TTYH2: variants seen among roughly 807,000 people sequenced by gnomAD.
TTYH2 encodes tweety family member 2.
Under a neutral mutation model 68.3 loss-of-function variants are expected in TTYH2, and 49 were observed. The ratio of observed to expected loss-of-function variants is 0.72; its 90% CI spans 0.57 to 0.91. TTYH2 has a LOEUF of 0.91. Among genes scored for constraint, TTYH2 ranks in the 40% least tolerant of loss-of-function variants. The pLI, the probability that TTYH2 is intolerant of heterozygous loss-of-function variation, is 0.00. For missense variants in TTYH2, 631 were observed against 700.4 expected (o/e 0.90, Z 1.12); for synonymous variants, 272 against 300.8 (o/e 0.90, Z 0.99).
In TTYH2 at chr17:74,240,590, G is replaced by A. The variant is rs548293897; in HGVS notation, c.636-2784G>A. ...TGCAAAAAAAGCCCTCCCCTGAAGG[G>A]CCCCTGTCTTTGCTTTTGGGATAGT... is the stretch of plus-strand genomic sequence containing the variant. On this transcript the variant is annotated intron_variant, in intron 4 of 13. Transcript: ENST00000269346. 4.9e-4 allele frequency among the ~76,000 whole-genome samples: 74 copies of A among 152,290 alleles called. No homozygotes were observed. The Middle Eastern group carries it at 0.017, about 35-fold the overall frequency.
chr17:74,247,564 T>G (rs1598228831), intron 6 of TTYH2, among the ~76,000 whole-genome samples: 1 of 152,254 alleles, frequency 6.6e-6, no homozygotes, highest in East Asian at 1.9e-4. Flanking sequence ...CTGTGGAGCC[T>G]TGGACTGGAG....
intron 6 of TTYH2, among the ~76,000 whole-genome samples, chr17:74,246,515 G>C (rs1185836287): frequency 6.6e-6 from 1 of 152,024 alleles, no homozygotes; most frequent in Non-Finnish European, 1.5e-5. Context: ...AGGGTCACGG[G>C]GGTCCCTTCA....
In TTYH2 at chr17:74,215,832, A is replaced by G; in HGVS notation, c.129+2116A>G. 1 of 1,007,480 alleles carries G rather than the reference A, an allele frequency of 9.9e-7. No individual in the cohort carries two copies. The highest frequency in any genetic ancestry group is 1.5e-6 in the Non-Finnish European group (1 of 675,352). The allele number at this position is 1,007,480 out of a possible 1,614,324, so 62.4% of individuals were successfully genotyped here. On this transcript the variant is annotated intron_variant, in intron 1 of 13. Coordinates refer to ENST00000269346, the MANE Select transcript of TTYH2 (RefSeq NM_032646.6). This position sits in a 1 kb window ranked among gnomAD's most constrained non-coding sequence, Gnocchi z 4.3. ...CCCAGTCTTCAGCAAGCTTGACTGGAGCAAGTGCTATGCCAGGCGTGGGGT... is the reference window on the plus strand; with the variant it reads ...CCCAGTCTTCAGCAAGCTTGACTGGGGCAAGTGCTATGCCAGGCGTGGGGT...
intron 1 of TTYH2, among the ~76,000 whole-genome samples, chr17:74,220,568 G>C (rs1344697779): frequency 1.3e-5 from 2 of 152,202 alleles, no homozygotes; most frequent in African/African-American, 2.4e-5. Context: ...CTGGGCTGCA[G>C]GGCCCTCTGG....
chr17:74,256,303 G>A (rs2050692996), intron 13 of TTYH2, among the ~76,000 whole-genome samples: 1 of 152,156 alleles, frequency 6.6e-6, no homozygotes, highest in Non-Finnish European at 1.5e-5. Context: ...TCATTACCAC[G>A]CTTGGAGGCT....
At chr17:74,216,213 A>C (rs1315576477) in intron 1 of TTYH2, among the ~76,000 whole-genome samples, 1 of 152,102 alleles carries the variant, frequency 6.6e-6, no homozygotes, top group Non-Finnish European at 1.5e-5. Flanking sequence ...AATGGAGAGG[A>C]AGGAGATCTC....
chr17:74,251,619 C>T (rs975492255), intron 10 of TTYH2, among the ~76,000 whole-genome samples: 2 of 151,644 alleles, frequency 1.3e-5, no homozygotes, highest in South Asian at 2.1e-4. Flanking sequence ...GCTTCCACCA[C>T]GATCCGGTCC....
chr17:74,248,615 C>T (rs1407573117), intron 6 of TTYH2: 16 of 1,082,062 alleles, frequency 1.5e-5, no homozygotes, highest in South Asian at 1.4e-4. Flanking sequence ...CATGGTGTAA[C>T]GAACTCCCAC....
intron 4 of TTYH2, among the ~76,000 whole-genome samples, chr17:74,240,300 G>A (rs186557196): frequency 1.9e-4 from 29 of 152,254 alleles, no homozygotes; most frequent in Middle Eastern, 3.4e-3. Context: ...TTAGCTGGAC[G>A]TGGTGGCGCA....
Position 74,215,148 on chromosome 17 carries a change from C to T in TTYH2, c.129+1432C>T, listed in dbSNP as rs767525218. On this transcript the variant is annotated intron_variant, in intron 1 of 13. Coordinates refer to ENST00000269346, the MANE Select transcript of TTYH2 (RefSeq NM_032646.6). This position sits in a 1 kb window ranked among gnomAD's most constrained non-coding sequence, Gnocchi z 4.3. ...CTCCCAGAGAATGCATGAAAAGAGG[C>T]GGATATGATTTCAGAAACAGCCGTG... 7.3e-5 allele frequency among the ~76,000 whole-genome samples: 11 copies of T among 149,962 alleles called. No individual in the cohort carries two copies. Among genetic ancestry groups the T allele is most frequent in the African/African-American group, 2.3e-4 (9 of 39,996 alleles).
At chr17:74,219,144 G>GA (rs962974114) in intron 1 of TTYH2, among the ~76,000 whole-genome samples, 1 of 151,908 alleles carries the variant, frequency 6.6e-6, no homozygotes, top group Admixed American at 6.6e-5. Flanking sequence ...TTGAACCTGG[G>GA]AGGCGGAGGT....
chr17:74,215,725 G>A lies in TTYH2; in HGVS notation c.129+2009G>A. ...GCTCCTGTTTTTGGTAAGTTCCCCTGTTGTGACCACAGGTCTCTCCTGGAT... is the reference window on the plus strand; with the variant it reads ...GCTCCTGTTTTTGGTAAGTTCCCCTATTGTGACCACAGGTCTCTCCTGGAT... On this transcript the variant is annotated intron_variant, in intron 1 of 13. Transcript: ENST00000269346. The surrounding 1 kb of genome is among the most constrained non-coding windows in gnomAD (Gnocchi z 4.3). 6.5e-7 allele frequency: 1 copy of A among 1,535,388 alleles called. No individual in the cohort carries two copies. Among genetic ancestry groups the A allele is most frequent in the South Asian group, 1.2e-5 (1 of 84,046 alleles).
Position 74,239,673 on chromosome 17 carries a change from C to T in TTYH2, c.635+2159C>T, listed in dbSNP as rs149707167. ...CCAGCCCGTCCAGTCCCTGCATCTC[C>T]GCCATGTCCTGGATGCTCTGGATTG... On this transcript the variant is annotated intron_variant, in intron 4 of 13. Coordinates refer to ENST00000269346, the MANE Select transcript of TTYH2 (RefSeq NM_032646.6). The surrounding 1 kb of genome is among the most constrained non-coding windows in gnomAD (Gnocchi z 5.3). Among the ~76,000 whole-genome samples, 41 of 152,296 alleles carry T rather than the reference C, an allele frequency of 2.7e-4. No individual in the cohort carries two copies. The highest frequency in any genetic ancestry group is 8.7e-4 in the African/African-American group (36 of 41,570).
intron 9 of TTYH2, 78 bp from the exon 10 acceptor site, chr17:74,250,187 G>A: frequency 1.3e-6 from 2 of 1,499,426 alleles, no homozygotes; most frequent in Non-Finnish European, 1.8e-6. Flanking sequence ...AGGCCCCTGA[G>A]CACAGCTGCT....
chr17:74,249,839 C>G (rs976250924), intron 8 of TTYH2, 97 bp from the exon 9 acceptor site: 5 of 1,172,284 alleles, frequency 4.3e-6, no homozygotes, highest in Non-Finnish European at 5.8e-6. Context: ...GGAGCATAGG[C>G]CCCTCAGCCA....
At chr17:74,235,329 G>A (rs1452825780) in intron 3 of TTYH2, among the ~76,000 whole-genome samples, 7 of 152,100 alleles carry the variant, frequency 4.6e-5, no homozygotes, top group East Asian at 1.9e-4. Flanking sequence ...TCCCAGACCC[G>A]TGGGAGCTGA....
chr17:74,254,094 C>T (rs192863335), intron 13 of TTYH2, among the ~76,000 whole-genome samples: 8 of 152,306 alleles, frequency 5.3e-5, no homozygotes, highest in African/African-American at 1.2e-4. Flanking sequence ...GAGGACTTGA[C>T]GGCACTGTTT....
chr17:74,221,609 C>T (rs75234609), intron 1 of TTYH2, among the ~76,000 whole-genome samples: 1,968 of 152,310 alleles, frequency 0.013, 26 homozygotes, highest in Non-Finnish European at 0.019. Context: ...CCGCCAATCC[C>T]GGTGCCATCT....
chr17:74,249,364 T>A lies in TTYH2; in HGVS notation c.895T>A (p.Tyr299Asn). The A allele has an allele frequency of 6.2e-7, 1 of 1,614,088 alleles. No homozygotes were observed. Among genetic ancestry groups the A allele is most frequent in the South Asian group, 1.1e-5 (1 of 91,080 alleles). ...ISTEVTRYYL[Y>N]CSQSGSSPFQ... ...TGCAGAGGTGACTCGCTACTACCTG[T>A]ATTGCAGCCAGAGTGGAAGCAGCCC... The change falls in exon 8 of 14, where the codon TAT becomes AAT. Residue 299 changes from tyrosine (Y) to asparagine (N), a missense_variant. Tyr to Asn is a moderately radical substitution (Grantham distance 143). Coordinates refer to ENST00000269346, the MANE Select transcript of TTYH2 (RefSeq NM_032646.6).
Sources: allele counts gnomAD v4.1 joint callset (sites outside exome capture counted in the v4.1 genomes callset), GRCh38; gene constraint gnomAD v4.1.1; non-coding constraint Gnocchi (gnomAD v3.1); transcripts MANE v1.5; gene names NCBI Gene and HGNC (gene_info 2026-07-23, HGNC 2026-07-21).